Variants in HDAC9 observed in about 807,000 individuals in gnomAD.
The protein encoded by HDAC9 is histone deacetylase 9.
A neutral mutation model predicts 139.4 loss-of-function variants in HDAC9; 41 were observed. The ratio of observed to expected loss-of-function variants is 0.29; its 90% CI spans 0.23 to 0.38. HDAC9 has a LOEUF of 0.38. Ranked by LOEUF, HDAC9 falls within the 10% of genes least tolerant of loss-of-function variation. The pLI, the probability that HDAC9 is intolerant of heterozygous loss-of-function variation, is 1.00. For missense variants in HDAC9, 1,147 were observed against 1,297.0 expected, an observed-to-expected ratio of 0.88 and a Z score of 1.78; for synonymous variants, 517 against 476.2, an observed-to-expected ratio of 1.09 and a Z score of -1.12.
intron 12 of HDAC9, among the ~76,000 whole-genome samples, chr7:18,701,665 G>A (rs1449586732): frequency 2.0e-5 from 3 of 152,164 alleles, no homozygotes; most frequent in Admixed American, 2.0e-4. Context: ...TGGGAATACA[G>A]AACTTTGAAT....
intron 2 of HDAC9, among the ~76,000 whole-genome samples, chr7:18,552,704 C>T (rs1817541797): frequency 6.6e-6 from 1 of 152,140 alleles, no homozygotes; most frequent in African/African-American, 2.4e-5. Flanking sequence ...GTATATTTTC[C>T]TTACTGCAGT....
chr7:18,468,949 A>G (rs1794515438), intron 1 of HDAC9, among the ~76,000 whole-genome samples: 1 of 152,184 alleles, frequency 6.6e-6, no homozygotes, highest in African/African-American at 2.4e-5. Flanking sequence ...TAGATGGATG[A>G]CATCATTGTT....
At chr7:18,210,953 T>G (rs1056874265) in intron 2 of HDAC9, among the ~76,000 whole-genome samples, 1 of 152,166 alleles carries the variant, frequency 6.6e-6, no homozygotes, top group Non-Finnish European at 1.5e-5. Flanking sequence ...GTAGGACATT[T>G]TTGTACAGGA....
At chr7:18,365,585 A>G (rs891564158) in intron 1 of HDAC9, among the ~76,000 whole-genome samples, 9 of 152,112 alleles carry the variant, frequency 5.9e-5, no homozygotes, top group African/African-American at 2.2e-4. Flanking sequence ...ACAAGGGACT[A>G]ACGAGCAGTA....
intron 2 of HDAC9, among the ~76,000 whole-genome samples, chr7:18,216,129 TGAGAGA>T (rs59712565): frequency 6.3e-5 from 9 of 143,658 alleles, no homozygotes; most frequent in Non-Finnish European, 1.2e-4. Context: ...TGTGTGTGTG[TGAGAGA>T]GAGAGAGAGA....
At chr7:18,725,376 T>C (rs1785463210) in intron 12 of HDAC9, among the ~76,000 whole-genome samples, 2 of 152,114 alleles carry the variant, frequency 1.3e-5, no homozygotes, top group African/African-American at 4.8e-5. Context: ...CGGTTAGAAC[T>C]TAGAAAAGAA....
chr7:18,806,501 A>G (rs12699982), intron 17 of HDAC9, among the ~76,000 whole-genome samples: 45,615 of 152,030 alleles, frequency 0.3, 7,272 homozygotes, highest in African/African-American at 0.38. Context: ...ACAATATGGC[A>G]TGGAATCCTC....
At chr7:18,171,945 G>A (rs1788484643) in intron 2 of HDAC9, among the ~76,000 whole-genome samples, 1 of 152,180 alleles carries the variant, frequency 6.6e-6, no homozygotes, top group South Asian at 2.1e-4. Context: ...GTATCAGGAT[G>A]ATGCTGGCCT....
intron 1 of HDAC9, among the ~76,000 whole-genome samples, chr7:18,136,435 A>C (rs1170948213): frequency 1.3e-5 from 2 of 151,664 alleles, no homozygotes; most frequent in Non-Finnish European, 3.0e-5. Flanking sequence ...TTATGGTTTT[A>C]GGTCTAACGT....
At chr7:18,780,188 G>T (rs1249514246) in intron 16 of HDAC9, among the ~76,000 whole-genome samples, 1 of 152,028 alleles carries the variant, frequency 6.6e-6, no homozygotes, top group Non-Finnish European at 1.5e-5. Context: ...TCATTGAAAT[G>T]ACTGGGCCTC....
At chr7:18,235,385 A>G (rs1793749700) in intron 2 of HDAC9, among the ~76,000 whole-genome samples, 1 of 152,022 alleles carries the variant, frequency 6.6e-6, no homozygotes, top group Admixed American at 6.6e-5. Flanking sequence ...ACAATGCACA[A>G]GTTTTGATTT....
rs531796958 is a variant in HDAC9 at position 18,451,263 on chromosome 7, C to T, written c.-41-44999C>T. The stretch of plus-strand genomic sequence containing the variant: ...GCTAGCCCCTCGATTCTGGACTTCC[C>T]AGCCCCCAGAACTGTGAGAAGTAAG... On this transcript the variant is annotated intron_variant, in intron 1 of 3. Coordinates refer to the HDAC9 transcript ENST00000413509. Among the ~76,000 whole-genome samples, 13 of 152,134 alleles carry T rather than the reference C, an allele frequency of 8.5e-5. No individual in the cohort carries two copies. In the South Asian group the frequency reaches 2.7e-3, roughly 32 times the overall value.
Position 18,218,649 on chromosome 7 carries a change from A to C in HDAC9, c.25+56300A>C, listed in dbSNP as rs143907010. Among the ~76,000 whole-genome samples, 235 of 152,246 alleles carry C rather than the reference A, an allele frequency of 1.5e-3. 1 individual carries two copies. The highest frequency in any genetic ancestry group is 5.4e-3 in the African/African-American group (223 of 41,534). ...CATAGAAGTTACGCTTAGGTCCACC[A>C]TTCAGTCCCTGTGGATCTTCCAGGT... On this transcript the variant is annotated intron_variant, in intron 2 of 12. Coordinates refer to the HDAC9 transcript ENST00000417496.
chr7:18,124,912 T>A (rs1584190358), intron 1 of HDAC9, among the ~76,000 whole-genome samples: 1 of 151,542 alleles, frequency 6.6e-6, no homozygotes, highest in Non-Finnish European at 1.5e-5. Context: ...TTTTTTTTTT[T>A]AACATTGTTA....
chr7:18,322,155 G>A (rs1186852392), intron 1 of HDAC9, among the ~76,000 whole-genome samples: 1 of 152,014 alleles, frequency 6.6e-6, no homozygotes, highest in African/African-American at 2.4e-5. Flanking sequence ...CTTCACTATC[G>A]ATTTAGCAGC....
chr7:18,288,990 T>G (rs1797629846), upstream of HDAC9, among the ~76,000 whole-genome samples: 1 of 152,186 alleles, frequency 6.6e-6, no homozygotes, highest in Non-Finnish European at 1.5e-5. Flanking sequence ...CCCTTTCTTT[T>G]TCACTTCCCC....
intron 1 of HDAC9, among the ~76,000 whole-genome samples, chr7:18,313,600 T>TAA (rs1799456789): frequency 6.6e-6 from 1 of 152,240 alleles, no homozygotes; most frequent in Non-Finnish European, 1.5e-5. Flanking sequence ...AACTTTGGAA[T>TAA]ATTTGGATTT....
intron 1 of HDAC9, among the ~76,000 whole-genome samples, chr7:18,091,374 A>G (rs1782133713): frequency 6.6e-6 from 1 of 152,174 alleles, no homozygotes; most frequent in Non-Finnish European, 1.5e-5. Flanking sequence ...TACTTTCTTC[A>G]CATCTCTACA....
chr7:18,637,270 T>C (rs1024407504), intron 8 of HDAC9, among the ~76,000 whole-genome samples: 4 of 152,096 alleles, frequency 2.6e-5, no homozygotes, highest in Admixed American at 2.6e-4. Flanking sequence ...AAGATACATA[T>C]ATTCCTTCAT....
Sources: gnomAD v4.1 joint callset for allele counts (sites outside exome capture counted in the v4.1 genomes callset) on GRCh38, gnomAD v4.1.1 for gene constraint, MANE v1.5 for transcripts, NCBI Gene and HGNC (gene_info 2026-07-23, HGNC 2026-07-21) for gene names.